Variants in SYT16 observed in about 807,000 individuals in gnomAD.
SYT16 encodes the protein synaptotagmin 16.
A neutral mutation model predicts 61.4 loss-of-function variants in SYT16; 42 were observed. That is an observed-to-expected ratio of 0.68 (90% CI 0.53 to 0.89). SYT16 has a LOEUF of 0.89. Ranked by LOEUF, SYT16 falls within the 40% of genes least tolerant of loss-of-function variation. SYT16 has a pLI of 0.00. For missense variants in SYT16, 804 were observed against 807.3 expected, an observed-to-expected ratio of 1.00 and a Z score of 0.05; for synonymous variants, 314 against 302.3, an observed-to-expected ratio of 1.04 and a Z score of -0.40.
chr14:62,045,865 A>G (rs868068005), intron 3 of SYT16, among the ~76,000 whole-genome samples: 5 of 152,180 alleles, frequency 3.3e-5, no homozygotes, highest in South Asian at 2.1e-4. Flanking sequence ...TTGGACATTT[A>G]GGTTGGTTCC....
intron 3 of SYT16, among the ~76,000 whole-genome samples, chr14:62,057,485 G>A (rs143959758): frequency 6.6e-6 from 1 of 152,218 alleles, no homozygotes; most frequent in African/African-American, 2.4e-5. Context: ...TTAAAGGTTT[G>A]TCTAGGAACT....
At chr14:61,898,850 A>T (rs1032569069) in intron 1 of SYT16, among the ~76,000 whole-genome samples, 3 of 152,218 alleles carry the variant, frequency 2.0e-5, no homozygotes, top group African/African-American at 4.8e-5. Flanking sequence ...CCAGCACAGG[A>T]TGAGGCCCGC....
At chr14:61,840,122 A>G (rs1031265852) in intron 1 of SYT16, among the ~76,000 whole-genome samples, 2 of 152,158 alleles carry the variant, frequency 1.3e-5, no homozygotes, top group African/African-American at 4.8e-5. Context: ...AAAATAAAAG[A>G]TTATAGAATT....
rs1287271296 is a variant in SYT16, at chr14:62,080,818, C to T, written c.994-16C>T. 3 of 1,572,252 alleles carry T rather than the reference C, an allele frequency of 1.9e-6. No homozygotes were observed. The highest frequency in any genetic ancestry group is 1.2e-5 in the South Asian group (1 of 85,960). On this transcript the variant is annotated splice_polypyrimidine_tract_variant and intron_variant, in intron 5 of 7. Transcript: ENST00000683842. ...TCATCATTTCCATTTCTAATTGTTT[C>T]CTCTGCCTGCAACAGGAACAGGACA...
At chr14:61,966,604 T>C (rs749153311) in intron 1 of SYT16, among the ~76,000 whole-genome samples, 8 of 152,162 alleles carry the variant, frequency 5.3e-5, no homozygotes, top group Non-Finnish European at 1.2e-4. Context: ...TAGTAGTGAG[T>C]TGTTTTATCT....
At chr14:61,833,295 CTT>C (rs556738010) in intron 1 of SYT16, among the ~76,000 whole-genome samples, 10 of 138,728 alleles carry the variant, frequency 7.2e-5, no homozygotes, top group Non-Finnish European at 7.8e-5. Context: ...TTTTTCTTTT[CTT>C]TTTTTTTTTT....
At chr14:61,981,875 C>T (rs572837749) in intron 2 of SYT16, among the ~76,000 whole-genome samples, 1 of 152,186 alleles carries the variant, frequency 6.6e-6, no homozygotes, top group South Asian at 2.1e-4. Context: ...CTTCTTGGGG[C>T]ATTTGAGCTT....
chr14:61,844,079 C>A (rs1055086227), intron 1 of SYT16, among the ~76,000 whole-genome samples: 4 of 152,026 alleles, frequency 2.6e-5, no homozygotes, highest in African/African-American at 4.8e-5. Context: ...CAATTTAGTT[C>A]ATTAGTGCTT....
chr14:62,080,680 C>T (rs1015713077), intron 5 of SYT16, among the ~76,000 whole-genome samples, 154 bp from the exon 6 acceptor site: 12 of 152,134 alleles, frequency 7.9e-5, no homozygotes, highest in East Asian at 1.9e-4. Context: ...TTTAATGCAG[C>T]GATAGACCAG....
Position 61,996,412 on chromosome 14 carries a change from C to T in SYT16, c.393C>T (p.Arg131=). The T allele has an allele frequency of 6.2e-7, 1 of 1,613,454 alleles. No individual in the cohort carries two copies. Among genetic ancestry groups the T allele is most frequent in the East Asian group, 2.2e-5 (1 of 44,844 alleles). Reference sequence around the variant, plus strand: ...GGCCCAATTGGGCCAGTGATGACCGCAAGTTACCACATGTGCTTTCTTCTA... The same window carrying T: ...GGCCCAATTGGGCCAGTGATGACCGTAAGTTACCACATGTGCTTTCTTCTA... ...SQWPNWASDD[R]KLPHVLSSIA... The change falls in exon 3 of 8, where the codon CGC becomes CGT. Residue 131 remains arginine (R), a synonymous_variant. Transcript: ENST00000683842.
At chr14:61,837,597 C>T (rs1382383757) in intron 1 of SYT16, among the ~76,000 whole-genome samples, 7 of 152,162 alleles carry the variant, frequency 4.6e-5, no homozygotes, top group Non-Finnish European at 8.8e-5. Flanking sequence ...CACAAAGGCT[C>T]TTGGAGGGTT....
At chr14:61,910,337 C>G (rs1269896127) in intron 1 of SYT16, among the ~76,000 whole-genome samples, 1 of 152,054 alleles carries the variant, frequency 6.6e-6, no homozygotes, top group East Asian at 1.9e-4. Flanking sequence ...CTCCCAGGTT[C>G]AAGCAATTCT....
intron 1 of SYT16, among the ~76,000 whole-genome samples, chr14:61,949,338 C>T (rs2050573405): frequency 1.3e-5 from 2 of 152,236 alleles, no homozygotes; most frequent in African/African-American, 4.8e-5. Context: ...TTTATATCCA[C>T]TATGTTTCTC....
upstream of SYT16, chr14:61,812,321 G>T: frequency 6.6e-6 from 1 of 152,598 alleles, no homozygotes; most frequent in Non-Finnish European, 1.5e-5. Flanking sequence ...TCCCAACCCC[G>T]CTGGTGAGAA....
intron 1 of SYT16, among the ~76,000 whole-genome samples, chr14:61,928,740 CTGGTTAT>C (rs2049637059): frequency 6.6e-6 from 1 of 152,184 alleles, no homozygotes; most frequent in Non-Finnish European, 1.5e-5. Flanking sequence ...CCGGAGGTGT[CTGGTTAT>C]TTTTTAAATA....
chr14:61,982,008 C>G (rs1595076320), intron 2 of SYT16, among the ~76,000 whole-genome samples: 1 of 152,280 alleles, frequency 6.6e-6, no homozygotes, highest in East Asian at 1.9e-4. Context: ...ATTTCAAAAG[C>G]TGCAGAAGAT....
In SYT16 at chr14:61,995,077, G is replaced by C. The variant is rs543477640; in HGVS notation, c.-144-799G>C. 2.6e-5 allele frequency among the ~76,000 whole-genome samples: 4 copies of C among 152,252 alleles called. No homozygotes were observed. The East Asian group carries it at 7.7e-4, about 29-fold the overall frequency. On this transcript the variant is annotated intron_variant, in intron 2 of 7. Transcript: ENST00000683842. ...ACACACATAATATACACACATATGTGTATGTATACATTGTATGCACATATA... is the reference window on the plus strand; with the variant it reads ...ACACACATAATATACACACATATGTCTATGTATACATTGTATGCACATATA...
chr14:61,902,131 C>G (rs2048545595), intron 1 of SYT16, among the ~76,000 whole-genome samples: 2 of 152,266 alleles, frequency 1.3e-5, no homozygotes, highest in South Asian at 2.1e-4. Flanking sequence ...ATGTTATGTT[C>G]CAGTTGTATC....
intron 3 of SYT16, among the ~76,000 whole-genome samples, chr14:62,068,245 T>G (rs949472811): frequency 6.6e-6 from 1 of 151,868 alleles, no homozygotes; most frequent in African/African-American, 2.4e-5. Context: ...AAAAAATTTT[T>G]AAAAAGGAGA....
Sources: allele counts gnomAD v4.1 joint callset (sites outside exome capture counted in the v4.1 genomes callset), GRCh38; gene constraint gnomAD v4.1.1; transcripts MANE v1.5; gene names NCBI Gene and HGNC (gene_info 2026-07-23, HGNC 2026-07-21).